BCR: variants seen among roughly 807,000 people sequenced by gnomAD.
BCR encodes breakpoint cluster region protein.
A neutral mutation model predicts 138.6 loss-of-function variants in BCR; 58 were observed. The observed-to-expected ratio is 0.42, with a 90% confidence interval of 0.34 to 0.52. The LOEUF is 0.52. Among genes scored for constraint, BCR ranks in the 20% least tolerant of loss-of-function variants. BCR has a pLI of 0.06. For missense variants in BCR, 1,599 were observed against 1,727.2 expected (o/e 0.93, Z 1.32); for synonymous variants, 786 against 730.1 (o/e 1.08, Z -1.23).
At chr22:23,248,578 G>A (rs1413449553) in intron 1 of BCR, among the ~76,000 whole-genome samples, 1 of 152,044 alleles carries the variant, frequency 6.6e-6, no homozygotes, top group Non-Finnish European at 1.5e-5. Context: ...TTTTATGAAA[G>A]AATAGATTTG....
At chr22:23,189,680 T>G (rs950663273) in intron 1 of BCR, among the ~76,000 whole-genome samples, 2 of 152,040 alleles carry the variant, frequency 1.3e-5, no homozygotes, top group African/African-American at 2.4e-5. Flanking sequence ...TTTTGTATTT[T>G]TAGTAGAGAT....
intron 1 of BCR, among the ~76,000 whole-genome samples, chr22:23,233,462 C>T (rs1374150074): frequency 2.0e-5 from 3 of 152,130 alleles, no homozygotes; most frequent in Non-Finnish European, 4.4e-5. Flanking sequence ...TGTATATGCA[C>T]GTGGTGCACG....
rs187654152 is a variant in BCR at position 23,257,523 on chromosome 22, G to A, written c.1462-3427G>A. Reference sequence around the variant, plus strand: ...AAGATTGTCCTTAGAACATGAGCACGGCTGGCAGGCTGGGTGGATGGGTGG... The same window carrying A: ...AAGATTGTCCTTAGAACATGAGCACAGCTGGCAGGCTGGGTGGATGGGTGG... On this transcript the variant is annotated intron_variant, in intron 2 of 22. Transcript: ENST00000305877. Among the ~76,000 whole-genome samples the A allele has an allele frequency of 9.6e-3, 1,457 of 152,364 alleles. 74 individuals carry two copies. The highest frequency in any genetic ancestry group is 0.087 in the Admixed American group (1,331 of 15,312).
At chr22:23,270,987 G>A (rs996551189) in intron 5 of BCR, among the ~76,000 whole-genome samples, 2 of 152,214 alleles carry the variant, frequency 1.3e-5, no homozygotes, top group East Asian at 1.9e-4. Flanking sequence ...TGCCCTGGCC[G>A]TCTCCAAAGA....
intron 1 of BCR, chr22:23,199,158 A>G: frequency 2.7e-6 from 1 of 374,192 alleles, no homozygotes; most frequent in South Asian, 1.9e-5. Context: ...TAACAAATGC[A>G]GGTTGTGATT....
rs1197948225 is a variant in BCR, at chr22:23,315,591, G to C, written c.*69G>C. On this transcript the variant is annotated 3_prime_UTR_variant, in exon 23 of 23. Coordinates refer to ENST00000305877, the MANE Select transcript of BCR (RefSeq NM_004327.4). ...CCTCTGGCTAATCGGGCCATCCGTA[G>C]AGCGGGAACCTTCCTGAGGTGTCCT... 3 of 1,477,252 alleles carry C rather than the reference G, an allele frequency of 2.0e-6. No homozygotes were observed. Among genetic ancestry groups the C allele is most frequent in the Non-Finnish European group, 2.8e-6 (3 of 1,062,092 alleles). 91.5% of individuals were successfully genotyped at this position (1,477,252 alleles called of 1,614,324 possible). A position where few individuals can be genotyped will look rare whatever the true frequency, so the allele number is the denominator to read the frequency against.
At chr22:23,236,564 C>T (rs372442238) in intron 1 of BCR, among the ~76,000 whole-genome samples, 12 of 152,334 alleles carry the variant, frequency 7.9e-5, no homozygotes, top group African/African-American at 2.6e-4. Context: ...CACCTACTAG[C>T]CAAGATACAA....
chr22:23,199,540 C>T (rs998733745), intron 1 of BCR, among the ~76,000 whole-genome samples: 1 of 151,746 alleles, frequency 6.6e-6, no homozygotes, highest in African/African-American at 2.4e-5. Context: ...GGCAGCTGCG[C>T]CCCCAGAAAG....
At chr22:23,211,350 A>G (rs2072679833) in intron 1 of BCR, among the ~76,000 whole-genome samples, 1 of 151,712 alleles carries the variant, frequency 6.6e-6, no homozygotes, top group East Asian at 1.9e-4. Context: ...GGCGCCCGCC[A>G]CTACACCCAG....
chr22:23,206,469 C>T (rs1040153235), intron 1 of BCR, among the ~76,000 whole-genome samples: 4 of 151,182 alleles, frequency 2.6e-5, no homozygotes, highest in African/African-American at 7.3e-5. Context: ...CCCAGCTACT[C>T]GGGAGGCTGA....
intron 1 of BCR, among the ~76,000 whole-genome samples, chr22:23,190,353 A>G (rs956687199): frequency 6.6e-6 from 1 of 152,060 alleles, no homozygotes; most frequent in Admixed American, 6.6e-5. Flanking sequence ...TTTTTAGTAG[A>G]GACGGGGTTT....
chr22:23,185,610 G>T (rs904993576), intron 1 of BCR, among the ~76,000 whole-genome samples: 5 of 151,562 alleles, frequency 3.3e-5, no homozygotes, highest in South Asian at 4.2e-4. Context: ...AGCTTGCAGT[G>T]AGCCGAGATC....
chr22:23,286,382 G>T (rs1812443332), intron 10 of BCR, among the ~76,000 whole-genome samples: 1 of 152,202 alleles, frequency 6.6e-6, no homozygotes, highest in Non-Finnish European at 1.5e-5. Context: ...CTCAGCCCTT[G>T]CCCAGCTGCC....
rs1434102256 is a variant in BCR at position 23,317,033 on chromosome 22, T to C, written c.*1511T>C. 10 of 162,026 alleles carry C rather than the reference T, an allele frequency of 6.2e-5. No homozygotes were observed. The highest frequency in any genetic ancestry group is 3.2e-4 in the African/African-American group (10 of 30,964). The allele number at this position is 162,026 out of a possible 1,614,324, so 10.0% of individuals were successfully genotyped here. A position where few individuals can be genotyped will look rare whatever the true frequency, so the allele number is the denominator to read the frequency against. On this transcript the variant is annotated 3_prime_UTR_variant, in exon 23 of 23. Coordinates refer to ENST00000305877, the MANE Select transcript of BCR (RefSeq NM_004327.4). ...GGAAGCAGGATCACATTTAAGGAAGTGTGTGGGGTCCCTGGATGACACCAG... is the reference window on the plus strand; with the variant it reads ...GGAAGCAGGATCACATTTAAGGAAGCGTGTGGGGTCCCTGGATGACACCAG...
chr22:23,268,602 C>G (rs2073473276), intron 5 of BCR, 87 bp downstream of exon 5: 1 of 1,160,908 alleles, frequency 8.6e-7, no homozygotes, highest in African/African-American at 1.5e-5. Flanking sequence ...TGCACCAGAT[C>G]AAGATCTGGT....
At chr22:23,284,301 C>G (rs893380451) in intron 9 of BCR, among the ~76,000 whole-genome samples, 1 of 152,048 alleles carries the variant, frequency 6.6e-6, no homozygotes, top group East Asian at 1.9e-4. Context: ...AGCTTTGACT[C>G]CTGTAGTGAG....
chr22:23,298,710 C>T (rs1017423299), intron 16 of BCR, among the ~76,000 whole-genome samples: 3 of 152,148 alleles, frequency 2.0e-5, no homozygotes, highest in Non-Finnish European at 2.9e-5. Context: ...ATTCTGCTGC[C>T]GCAGCCTCCT....
At chr22:23,274,907 C>CAAAA (rs758602402) in intron 8 of BCR, among the ~76,000 whole-genome samples, 17 of 84,002 alleles carry the variant, frequency 2.0e-4, no homozygotes, top group East Asian at 6.6e-4. Flanking sequence ...AACTCCATCT[C>CAAAA]AAAAAAAAAA....
intron 15 of BCR, among the ~76,000 whole-genome samples, chr22:23,294,147 C>T (rs1269147697): frequency 6.6e-6 from 1 of 152,168 alleles, no homozygotes; most frequent in East Asian, 1.9e-4. Flanking sequence ...CCATGTACCT[C>T]CTGCCCCCCA....
Sources: gnomAD v4.1 joint callset for allele counts (sites outside exome capture counted in the v4.1 genomes callset) on GRCh38, gnomAD v4.1.1 for gene constraint, MANE v1.5 for transcripts, NCBI Gene and HGNC (gene_info 2026-07-23, HGNC 2026-07-21) for gene names.